KIF21B: variants seen among roughly 807,000 people sequenced by gnomAD.
The protein encoded by KIF21B is kinesin family member 21B.
Under a neutral mutation model 192.9 loss-of-function variants are expected in KIF21B, and 85 were observed. The ratio of observed to expected loss-of-function variants is 0.44; its 90% CI spans 0.37 to 0.53. The LOEUF is 0.53. Ranked by LOEUF, KIF21B falls within the 20% of genes least tolerant of loss-of-function variation. The pLI is 0.00. For synonymous variants in KIF21B, 832 were observed against 884.6 expected, an observed-to-expected ratio of 0.94 and a Z score of 1.05; for missense variants, 1,716 against 2,194.8, an observed-to-expected ratio of 0.78 and a Z score of 4.36.
Position 200,988,485 on chromosome 1 carries a change from A to T in KIF21B, c.3350+8T>A, listed in dbSNP as rs1304327524. Reference sequence around the variant, plus strand: ...AGCCAGCCTCTCACTCCCAGCTTGCAAACTCACCTGCCCTCAGAGAACTCT... The same window carrying T: ...AGCCAGCCTCTCACTCCCAGCTTGCTAACTCACCTGCCCTCAGAGAACTCT... On this transcript the variant is annotated splice_region_variant and intron_variant, in intron 23 of 34. Coordinates refer to ENST00000461742, the MANE Select transcript of KIF21B (RefSeq NM_001252102.2). The T allele has an allele frequency of 6.2e-7, 1 of 1,607,418 alleles. No individual in the cohort carries two copies. Among genetic ancestry groups the T allele is most frequent in the Non-Finnish European group, 8.5e-7 (1 of 1,176,362 alleles).
At position 200,981,054 on chromosome 1, in the gene KIF21B, C is replaced by T. The variant is rs759165249; in HGVS notation, c.3885G>A (p.Thr1295=). Residue 1295 remains threonine, a synonymous_variant, in exon 29 of 35, where the codon ACG becomes ACA. Coordinates refer to ENST00000461742, the MANE Select transcript of KIF21B (RefSeq NM_001252102.2). ...SPVGGAKGAR[T]APLQCVSMAE... ...CCATGGAGACACACTGCAGTGGGGC[C>T]GTCCGTGCACCCTTGGCTCCTCCAA... 2.2e-5 allele frequency: 36 copies of T among 1,607,222 alleles called. 1 individual carries two copies. The highest frequency in any genetic ancestry group is 1.6e-4 in the Middle Eastern group (1 of 6,064).
rs1335654679 is a variant in KIF21B at position 201,023,225 on chromosome 1, C to T, written c.41+118G>A. On this transcript the variant is annotated intron_variant, in intron 1 of 34. Coordinates refer to ENST00000461742, the MANE Select transcript of KIF21B (RefSeq NM_001252102.2). This position sits in a 1 kb window ranked among gnomAD's most constrained non-coding sequence, Gnocchi z 5.9. ...GCCCTCCATCCCGTCCCACGCCGGCCCCTCCTCCGGGAGTGCAGGCTCCAG... is the reference window on the plus strand; with the variant it reads ...GCCCTCCATCCCGTCCCACGCCGGCTCCTCCTCCGGGAGTGCAGGCTCCAG... 2.4e-6 allele frequency: 2 copies of T among 835,450 alleles called. No homozygotes were observed. Among genetic ancestry groups the T allele is most frequent in the Non-Finnish European group, 3.4e-6 (2 of 590,786 alleles). The allele number at this position is 835,450 out of a possible 1,614,324, so 51.8% of individuals were successfully genotyped here.
intron 27 of KIF21B, among the ~76,000 whole-genome samples, chr1:200,983,507 G>C (rs1558001854): frequency 6.6e-6 from 1 of 152,196 alleles, no homozygotes; most frequent in African/African-American, 2.4e-5. Flanking sequence ...AGCCATGCCT[G>C]ATCCTACCCC....
At chr1:200,988,215 G>T in intron 24 of KIF21B, 81 bp downstream of exon 24, 2 of 1,332,814 alleles carry the variant, frequency 1.5e-6, no homozygotes, top group Non-Finnish European at 2.2e-6. Flanking sequence ...TGAGGGTGGA[G>T]CAGAGCCACA....
intron 1 of KIF21B, 45 bp from the exon 2 acceptor site, chr1:201,009,533 G>C (rs762226452): frequency 1.9e-6 from 3 of 1,567,764 alleles, no homozygotes; most frequent in Non-Finnish European, 2.6e-6. Flanking sequence ...AGCTAGAAGG[G>C]GGCTGCCACA....
intron 26 of KIF21B, 92 bp downstream of exon 26, chr1:200,986,752 G>C (rs1656329036): frequency 8.7e-7 from 1 of 1,145,098 alleles, no homozygotes. Context: ...CTGTGTACAA[G>C]ATGATCAACA....
At chr1:200,988,181 C>A in intron 24 of KIF21B, 115 bp downstream of exon 24, 2 of 1,080,042 alleles carry the variant, frequency 1.9e-6, no homozygotes, top group Non-Finnish European at 1.4e-6. Flanking sequence ...TCCCTCCCAG[C>A]TGGGGACAAC....
chr1:200,974,005 G>A (rs747885097), intron 34 of KIF21B: 29 of 1,558,106 alleles, frequency 1.9e-5, no homozygotes, highest in Middle Eastern at 1.7e-4. Flanking sequence ...ATCTCATACC[G>A]TTAAGAAGCA....
Position 201,004,401 on chromosome 1 carries a change from G to A in KIF21B, c.955C>T (p.His319Tyr). 1 of 1,582,914 alleles carries A rather than the reference G, an allele frequency of 6.3e-7. No individual in the cohort carries two copies. The highest frequency in any genetic ancestry group is 8.6e-7 in the Non-Finnish European group (1 of 1,163,802). The change falls in exon 7 of 35, where the codon CAC (histidine) becomes TAC (tyrosine). Residue 319 changes from histidine (H) to tyrosine (Y), a missense_variant. Coordinates refer to ENST00000461742, the MANE Select transcript of KIF21B (RefSeq NM_001252102.2). ...ALGDQSKKVVHVPYRDSKLTR... is the reference protein window; with the variant it reads ...ALGDQSKKVVYVPYRDSKLTR... ...AGCTTGGAGTCCCTGTAGGGAACGT[G>A]CACCACCTTCTTGCTCTGGTCCCCT...
intron 1 of KIF21B, among the ~76,000 whole-genome samples, chr1:201,012,549 A>AT (rs1658297394): frequency 6.6e-6 from 1 of 152,212 alleles, no homozygotes; most frequent in African/African-American, 2.4e-5. Context: ...CACACAGTAA[A>AT]TACAGTGAAG....
In KIF21B at chr1:200,992,340, A is replaced by C; in HGVS notation, c.2327T>G (p.Val776Gly). 3.1e-6 allele frequency: 5 copies of C among 1,613,248 alleles called. No homozygotes were observed. The South Asian group carries it at 5.5e-5, about 18-fold the overall frequency. Residue 776 changes from valine to glycine, a missense_variant, in exon 16 of 35, where the codon GTG (valine) becomes GGG (glycine). Coordinates refer to ENST00000461742, the MANE Select transcript of KIF21B (RefSeq NM_001252102.2). The part of the protein sequence containing the change: ...MREEQQRRRL[V>G]ETKRNREIAQ... Reference sequence around the variant, plus strand: ...GATCTCCCGGTTCCTCTTGGTCTCCACTAGCCGCCGCCGCTGTTGCTCCTC... The same window carrying C: ...GATCTCCCGGTTCCTCTTGGTCTCCCCTAGCCGCCGCCGCTGTTGCTCCTC...
At position 200,976,858 on chromosome 1, in the gene KIF21B, C is replaced by G. The variant is rs1571909149; in HGVS notation, c.4361G>C (p.Gly1454Ala). Residue 1454 changes from glycine (G) to alanine (A), a missense_variant, in exon 32 of 35, where the codon GGC becomes GCC. By Grantham distance (60) the Gly-to-Ala change is moderately conservative. Coordinates refer to ENST00000461742, the MANE Select transcript of KIF21B (RefSeq NM_001252102.2). ...QPVGKLTGHI[G>A]PVMCLTVTQT... ...GGTGACCGTCAGGCACATCACAGGGCCGATGTGGCCAGTCAGCTTGCCGAC... is the reference window on the plus strand; with the variant it reads ...GGTGACCGTCAGGCACATCACAGGGGCGATGTGGCCAGTCAGCTTGCCGAC... The G allele has an allele frequency of 1.2e-6, 2 of 1,612,646 alleles. No individual in the cohort carries two copies. Among genetic ancestry groups the G allele is most frequent in the Admixed American group, 3.3e-5 (2 of 59,954 alleles).
chr1:201,021,368 T>C (rs1296653927), intron 1 of KIF21B, among the ~76,000 whole-genome samples: 3 of 152,132 alleles, frequency 2.0e-5, no homozygotes, highest in Admixed American at 6.5e-5. Flanking sequence ...GCCCTTACCT[T>C]CCCGGAGACC....
chr1:201,018,734 T>C (rs928853314), intron 1 of KIF21B, among the ~76,000 whole-genome samples: 1 of 152,244 alleles, frequency 6.6e-6, no homozygotes, highest in Non-Finnish European at 1.5e-5. Context: ...CTGAATGGGA[T>C]GCTGTAGGCA....
At chr1:200,976,464 T>C (rs981548945) in intron 32 of KIF21B, among the ~76,000 whole-genome samples, 10 of 152,190 alleles carry the variant, frequency 6.6e-5, no homozygotes, top group Non-Finnish European at 1.3e-4. Flanking sequence ...AAATTAGTGT[T>C]TGTATACTTC....
intron 9 of KIF21B, chr1:201,001,901 T>G: frequency 2.0e-6 from 1 of 500,474 alleles, no homozygotes. Context: ...GGGCTTGGGG[T>G]GGAGGGTTCA....
chr1:201,009,659 A>C (rs1240718439), intron 1 of KIF21B, among the ~76,000 whole-genome samples, 171 bp from the exon 2 acceptor site: 1 of 152,238 alleles, frequency 6.6e-6, no homozygotes. Context: ...CAATAGTAAT[A>C]ACAGTATCAA....
At position 200,984,879 on chromosome 1, in the gene KIF21B, G is replaced by A; in HGVS notation, c.3783C>T (p.Ser1261=). The A allele has an allele frequency of 6.2e-7, 1 of 1,601,998 alleles. No homozygotes were observed. The highest frequency in any genetic ancestry group is 8.5e-7 in the Non-Finnish European group (1 of 1,175,490). ...CTTACTTGTCCAGCGCTGACCCCTG[G>A]CTCTGATTACTGGTGAGACGAGAGA... ...NVFSRLTSNQ[S]QGSALDKSDD... is the part of the protein sequence containing the mutation. The change falls in exon 27 of 35, where the codon AGC becomes AGT. Residue 1261 remains serine, a synonymous_variant. Transcript: ENST00000461742.
rs1250569772 is a variant in KIF21B, at chr1:200,981,060, T to G, written c.3879A>C (p.Ala1293=). The G allele has an allele frequency of 6.2e-7, 1 of 1,606,398 alleles. No homozygotes were observed. The highest frequency in any genetic ancestry group is 8.5e-7 in the Non-Finnish European group (1 of 1,177,398). The stretch of plus-strand genomic sequence containing the variant: ...AGACACACTGCAGTGGGGCCGTCCG[T>G]GCACCCTTGGCTCCTCCAACCGGGG... The part of the protein sequence containing the change: ...IISPVGGAKG[A]RTAPLQCVSM... Residue 1293 remains alanine, a synonymous_variant, in exon 29 of 35, where the codon GCA becomes GCC. Coordinates refer to ENST00000461742, the MANE Select transcript of KIF21B (RefSeq NM_001252102.2).
Sources: allele counts gnomAD v4.1 joint callset (sites outside exome capture counted in the v4.1 genomes callset), GRCh38; gene constraint gnomAD v4.1.1; non-coding constraint Gnocchi (gnomAD v3.1); transcripts MANE v1.5; gene names NCBI Gene and HGNC (gene_info 2026-07-23, HGNC 2026-07-21).